The following DCAF8 variants were observed in gnomAD, a reference collection of about 807,000 sequenced individuals.
The protein encoded by DCAF8 is DDB1 and CUL4 associated factor 8, also known as DDB1- and CUL4-associated factor 8.
A neutral mutation model predicts 68.0 loss-of-function variants in DCAF8; 20 were observed. The ratio of observed to expected loss-of-function variants is 0.29; its 90% CI spans 0.21 to 0.43. The LOEUF (loss-of-function observed/expected upper bound fraction) is 0.43. DCAF8 is among the 20% of genes least tolerant of loss of function. The pLI is 1.00. For missense variants in DCAF8, 460 were observed against 771.0 expected, an observed-to-expected ratio of 0.60 and a Z score of 4.78; for synonymous variants, 230 against 276.9, an observed-to-expected ratio of 0.83 and a Z score of 1.68.
At position 160,217,684 on chromosome 1, in the gene DCAF8, C is replaced by T; in HGVS notation, c.1702G>A (p.Ala568Thr). 6.2e-7 allele frequency: 1 copy of T among 1,614,074 alleles called. No homozygotes were observed. Residue 568 changes from alanine to threonine, a missense_variant, in exon 14 of 14, where the codon GCC becomes ACC. Ala to Thr is a moderately conservative substitution (Grantham distance 58, BLOSUM62 0). Around this residue, in one of 8 missense-constraint regions of DCAF8, gnomAD observed 80 missense variants for 115.1 expected, o/e 0.70. Transcript: ENST00000368074. The part of the protein sequence containing the change: ...HRRWREPGVG[A>T]TDADSDESPS... ...GACTCATCAGAGTCCGCGTCTGTGG[C>T]CCCAACCCCAGGTTCTCGCCAGCGC... is the stretch of plus-strand genomic sequence containing the variant.
chr1:160,261,586 TAA>T (rs1657091416), intron 1 of DCAF8: 1 of 152,142 alleles, frequency 6.6e-6, no homozygotes, highest in Non-Finnish European at 1.5e-5. Flanking sequence ...CACTAAAACG[TAA>T]AGTCATTTAA....
At chr1:160,259,991 T>C (rs774737129) in intron 2 of DCAF8, among the ~76,000 whole-genome samples, 5 of 152,080 alleles carry the variant, frequency 3.3e-5, no homozygotes, top group Non-Finnish European at 4.4e-5. Flanking sequence ...TAAAAATCAG[T>C]TGGGAAAATT....
chr1:160,242,815 G>A (rs1358318138), intron 3 of DCAF8, among the ~76,000 whole-genome samples: 1 of 152,174 alleles, frequency 6.6e-6, no homozygotes, highest in Non-Finnish European at 1.5e-5. Flanking sequence ...TGGCAGGCTG[G>A]ATTTGGCCTG....
At chr1:160,230,637 GTGCACGTTTATTTACAT>G (rs2101728056) in intron 7 of DCAF8, among the ~76,000 whole-genome samples, 1 of 152,278 alleles carries the variant, frequency 6.6e-6, no homozygotes, top group Non-Finnish European at 1.5e-5. Flanking sequence ...AAAATTTCTA[GTGCACGTTTATTTACAT>G]ACGAAAAAGG....
At chr1:160,229,245 G>A (rs544641391) in intron 7 of DCAF8, among the ~76,000 whole-genome samples, 3 of 151,878 alleles carry the variant, frequency 2.0e-5, no homozygotes, top group South Asian at 2.1e-4. Context: ...GCAGTGAGCC[G>A]AGATCGAGCC....
intron 6 of DCAF8, among the ~76,000 whole-genome samples, chr1:160,232,679 G>T (rs1274473949): frequency 6.6e-6 from 1 of 151,872 alleles, no homozygotes; most frequent in African/African-American, 2.4e-5. Flanking sequence ...ATTAGCCAGT[G>T]TGGTGGCATG....
chr1:160,250,276 C>A (rs968564965), intron 2 of DCAF8, among the ~76,000 whole-genome samples: 1 of 152,018 alleles, frequency 6.6e-6, no homozygotes, highest in Non-Finnish European at 1.5e-5. Context: ...CCAGCCTGAC[C>A]AACATGGAGA....
At chr1:160,248,822 A>G (rs1199872899) in intron 2 of DCAF8, among the ~76,000 whole-genome samples, 1 of 151,866 alleles carries the variant, frequency 6.6e-6, no homozygotes, top group Non-Finnish European at 1.5e-5. Flanking sequence ...TAAGTCTAGG[A>G]GTTCAAGGCT....
intron 11 of DCAF8, 193 bp from the exon 12 acceptor site, chr1:160,219,161 G>A: frequency 1.5e-6 from 1 of 647,508 alleles, no homozygotes; most frequent in Non-Finnish European, 2.6e-6. Flanking sequence ...CTGGGTATAA[G>A]ACCAGGCACA....
chr1:160,240,667 A>G (rs1406477267), intron 3 of DCAF8, among the ~76,000 whole-genome samples: 6 of 152,240 alleles, frequency 3.9e-5, no homozygotes, highest in Non-Finnish European at 5.9e-5. Context: ...CATATTGTAT[A>G]AAAGTGTGCC....
chr1:160,232,183 C>T (rs1351587079), intron 6 of DCAF8, among the ~76,000 whole-genome samples: 1 of 151,570 alleles, frequency 6.6e-6, no homozygotes, highest in Non-Finnish European at 1.5e-5. Context: ...GTACTCCAGC[C>T]TGCGCAACAG....
intron 11 of DCAF8, 77 bp from the exon 12 acceptor site, chr1:160,219,045 C>T: frequency 1.3e-6 from 2 of 1,575,006 alleles, no homozygotes; most frequent in East Asian, 4.5e-5. Flanking sequence ...CACCTTGAGC[C>T]AAATAACTGC....
rs142352428 is a variant in DCAF8 at position 160,224,518 on chromosome 1, A to G, written c.1233T>C (p.Ile411=). The part of the protein sequence containing the change: ...ELLASYNDED[I]YLFNSSHSDG... ...CACTGTGAGAGGAGTTGAAGAGGTA[A>G]ATGTCTTCATCATTGTAACTGGCCA... The change falls in exon 10 of 14, where the codon ATT becomes ATC. Residue 411 remains isoleucine (I), a synonymous_variant. Transcript: ENST00000368074. The G allele has an allele frequency of 7.4e-5, 120 of 1,613,900 alleles. No individual in the cohort carries two copies. Among genetic ancestry groups the G allele is most frequent in the Non-Finnish European group, 9.5e-5 (112 of 1,179,896 alleles).
chr1:160,240,800 C>T (rs930876403), intron 3 of DCAF8, among the ~76,000 whole-genome samples: 3 of 152,152 alleles, frequency 2.0e-5, no homozygotes, highest in Admixed American at 6.5e-5. Flanking sequence ...ATCTTCTTAG[C>T]GAAAGACGGA....
At position 160,236,628 on chromosome 1, in the gene DCAF8, T is replaced by C. The variant is rs558590722; in HGVS notation, c.959+507A>G. On this transcript the variant is annotated intron_variant, in intron 6 of 13. Coordinates refer to ENST00000368074, the MANE Select transcript of DCAF8 (RefSeq NM_015726.4). ...GGATCCAAACAAGATGTTGTGTTTT[T>C]TCTATGATACCACACAGTTAAAAAG... is the stretch of plus-strand genomic sequence containing the variant. 1.4e-4 allele frequency among the ~76,000 whole-genome samples: 22 copies of C among 152,326 alleles called. No individual in the cohort carries two copies. In the East Asian group the frequency reaches 3.9e-3, roughly 27 times the overall value.
intron 2 of DCAF8, among the ~76,000 whole-genome samples, chr1:160,247,422 G>A (rs74125534): frequency 0.014 from 2,127 of 152,254 alleles, 56 homozygotes; most frequent in African/African-American, 0.048. Flanking sequence ...AAACCAGGCA[G>A]AAAGACTTTA....
At chr1:160,228,892 A>G (rs56056529) in intron 7 of DCAF8, among the ~76,000 whole-genome samples, 2,131 of 152,302 alleles carry the variant, frequency 0.014, 57 homozygotes, top group African/African-American at 0.048. Context: ...GAAACCTCAA[A>G]ACATTCAGTT....
intron 2 of DCAF8, among the ~76,000 whole-genome samples, chr1:160,250,998 G>C (rs1399537969): frequency 6.6e-6 from 1 of 152,048 alleles, no homozygotes; most frequent in African/African-American, 2.4e-5. Flanking sequence ...ACTAAGACCT[G>C]AATTCGGTCT....
chr1:160,218,265 C>T lies in DCAF8; in HGVS notation c.1677+59G>A, dbSNP rs1655188646. The T allele has an allele frequency of 8.0e-6, 11 of 1,381,006 alleles. No individual in the cohort carries two copies. In the South Asian group the frequency reaches 1.3e-4, roughly 16 times the overall value. 85.5% of individuals were successfully genotyped at this position (1,381,006 alleles called of 1,614,324 possible). ...ACTGCTTGAAGTCACTACTCTGGAA[C>T]TTTTTAGCCCTCTTAAAAGGGTCAC... On this transcript the variant is annotated intron_variant, in intron 13 of 13. Coordinates refer to ENST00000368074, the MANE Select transcript of DCAF8 (RefSeq NM_015726.4).
Sources: gnomAD v4.1 joint callset for allele counts (sites outside exome capture counted in the v4.1 genomes callset) on GRCh38, gnomAD v4.1.1 for gene constraint, gnomAD v4.1.1 regional missense constraint, MANE v1.5 for transcripts, NCBI Gene and HGNC (gene_info 2026-07-23, HGNC 2026-07-21) for gene names.